SEMA5A: variants seen among roughly 807,000 people sequenced by gnomAD.
SEMA5A encodes the protein semaphorin 5A.
In SEMA5A, 55 loss-of-function variants were observed where a neutral mutation model predicts 135.5. That is an observed-to-expected ratio of 0.41 (90% CI 0.33 to 0.51). The LOEUF (loss-of-function observed/expected upper bound fraction) is 0.51, where lower values mean the gene tolerates loss of function less well. Among genes scored for constraint, SEMA5A ranks in the 20% least tolerant of loss-of-function variants. The probability of loss-of-function intolerance (pLI) is 0.37; values close to 1 mark genes in which losing one functional copy is unlikely to be tolerated. For synonymous variants in SEMA5A, 580 were observed against 546.5 expected, an observed-to-expected ratio of 1.06 and a Z score of -0.85; for missense variants, 1,290 against 1,419.9, an observed-to-expected ratio of 0.91 and a Z score of 1.47.
chr5:9,436,577 C>G (rs1382446320), intron 2 of SEMA5A, among the ~76,000 whole-genome samples: 1 of 152,146 alleles, frequency 6.6e-6, no homozygotes, highest in Non-Finnish European at 1.5e-5. Flanking sequence ...GGAATGGTCA[C>G]CAATTATTCA....
At chr5:9,529,132 C>T (rs465991) in intron 1 of SEMA5A, among the ~76,000 whole-genome samples, 51,639 of 152,182 alleles carry the variant, frequency 0.34, 8,952 homozygotes, top group East Asian at 0.4. Context: ...GTTTTGAAAG[C>T]ACAACCAGCT....
chr5:9,379,848 G>C lies in SEMA5A; in HGVS notation c.99C>G (p.Thr33=). Residue 33 remains threonine, a synonymous_variant, in exon 3 of 23, where the codon ACC becomes ACG. Coordinates refer to ENST00000382496, the MANE Select transcript of SEMA5A (RefSeq NM_003966.3). ...EAQGTTQCQR[T]EHPVISYKEI... ...CTTTATAGGAGATGACTGGATGCTC[G>C]GTTCTCTGGCACTGAGTCGTACCCT... is the stretch of plus-strand genomic sequence containing the variant. 6.2e-7 allele frequency: 1 copy of C among 1,613,802 alleles called. No individual in the cohort carries two copies. The highest frequency in any genetic ancestry group is 2.2e-5 in the East Asian group (1 of 44,852).
At chr5:9,518,098 C>A (rs914429677) in intron 1 of SEMA5A, 1 of 152,126 alleles carries the variant, frequency 6.6e-6, no homozygotes, top group Admixed American at 6.6e-5. Flanking sequence ...AAAAAATTAA[C>A]GATGAAAAAA....
At chr5:9,453,806 C>A (rs777333574) in intron 1 of SEMA5A, among the ~76,000 whole-genome samples, 27 of 152,062 alleles carry the variant, frequency 1.8e-4, no homozygotes, top group Non-Finnish European at 8.8e-5. Flanking sequence ...GAAGAAAAGA[C>A]GTAAAATATC....
chr5:9,081,089 G>A (rs1198825690), intron 16 of SEMA5A, among the ~76,000 whole-genome samples: 1 of 152,138 alleles, frequency 6.6e-6, no homozygotes, highest in Non-Finnish European at 1.5e-5. Flanking sequence ...TAGGACTAAG[G>A]GCAGCCTAGG....
intron 1 of SEMA5A, among the ~76,000 whole-genome samples, chr5:9,476,153 T>A (rs1411646087): frequency 1.3e-5 from 2 of 152,210 alleles, no homozygotes; most frequent in African/African-American, 4.8e-5. Context: ...TTTAACCAGG[T>A]CACTTCTGTG....
chr5:9,353,349 AAAGGG>A (rs1561177883), intron 3 of SEMA5A, among the ~76,000 whole-genome samples: 5 of 66,228 alleles, frequency 7.5e-5, no homozygotes, highest in Non-Finnish European at 1.8e-4. Flanking sequence ...AAAGGAAAGG[AAAGGG>A]AAGGAAAGGA....
At chr5:9,211,969 G>T (rs1746367869) in intron 8 of SEMA5A, among the ~76,000 whole-genome samples, 1 of 152,198 alleles carries the variant, frequency 6.6e-6, no homozygotes, top group Non-Finnish European at 1.5e-5. Context: ...ACACTGTGGA[G>T]TTCCCTGGGA....
At chr5:9,330,535 C>T (rs1260159416) in intron 4 of SEMA5A, among the ~76,000 whole-genome samples, 2 of 152,002 alleles carry the variant, frequency 1.3e-5, no homozygotes. Context: ...GTTAAAAGCA[C>T]ACACCCTGAG....
intron 2 of SEMA5A, among the ~76,000 whole-genome samples, chr5:9,382,110 AT>A (rs933636605): frequency 2.6e-5 from 4 of 152,088 alleles, no homozygotes; most frequent in South Asian, 4.2e-4. Flanking sequence ...AACCTGGGAA[AT>A]ATAATGAGAT....
At chr5:9,395,136 T>G (rs1756332567) in intron 2 of SEMA5A, among the ~76,000 whole-genome samples, 1 of 152,188 alleles carries the variant, frequency 6.6e-6, no homozygotes, top group African/African-American at 2.4e-5. Flanking sequence ...AAGATTAGTT[T>G]TATGGGTTAA....
At chr5:9,104,531 A>T (rs900126806) in intron 16 of SEMA5A, among the ~76,000 whole-genome samples, 2 of 151,602 alleles carry the variant, frequency 1.3e-5, no homozygotes, top group African/African-American at 2.4e-5. Flanking sequence ...AATCATTTCT[A>T]TTTTATAAAT....
intron 3 of SEMA5A, chr5:9,367,399 AAAG>A (rs1754962073): frequency 6.6e-6 from 1 of 152,196 alleles, no homozygotes. Flanking sequence ...TGAAAAGGTA[AAAG>A]AAGAATTGCA....
At chr5:9,066,791 A>T (rs1737497746) in intron 16 of SEMA5A, 145 bp from the exon 17 acceptor site, 1 of 653,786 alleles carries the variant, frequency 1.5e-6, no homozygotes, top group South Asian at 1.9e-5. Flanking sequence ...CTAAAAACAC[A>T]TTTATGTTAA....
intron 1 of SEMA5A, among the ~76,000 whole-genome samples, chr5:9,441,245 T>A (rs983108394): frequency 1.3e-5 from 2 of 152,162 alleles, no homozygotes; most frequent in African/African-American, 2.4e-5. Context: ...AGAAGTTACT[T>A]ATGGGCAGAA....
chr5:9,061,478 C>T (rs1737177713), intron 18 of SEMA5A, among the ~76,000 whole-genome samples: 2 of 152,090 alleles, frequency 1.3e-5, no homozygotes, highest in Non-Finnish European at 2.9e-5. Flanking sequence ...TCCCCAGTCA[C>T]AGATCAGCCC....
intron 15 of SEMA5A, among the ~76,000 whole-genome samples, chr5:9,117,805 C>G (rs1204288141): frequency 2.0e-5 from 3 of 152,172 alleles, no homozygotes; most frequent in Non-Finnish European, 2.9e-5. Context: ...AATAGGGAGA[C>G]AATTCTTCCA....
chr5:9,156,139 T>C (rs915668643), intron 11 of SEMA5A, among the ~76,000 whole-genome samples: 2 of 152,178 alleles, frequency 1.3e-5, no homozygotes, highest in African/African-American at 4.8e-5. Context: ...GGGGCAGCTG[T>C]GGCGTAGAGA....
intron 6 of SEMA5A, among the ~76,000 whole-genome samples, chr5:9,230,054 G>A (rs568624714): frequency 7.2e-5 from 11 of 152,004 alleles, no homozygotes; most frequent in African/African-American, 1.2e-4. Flanking sequence ...GCACAATCGT[G>A]GTTCACTGCA....
Sources: allele counts gnomAD v4.1 joint callset (sites outside exome capture counted in the v4.1 genomes callset), GRCh38; gene constraint gnomAD v4.1.1; transcripts MANE v1.5; gene names NCBI Gene and HGNC (gene_info 2026-07-23, HGNC 2026-07-21).